Variants in PPM1B observed in about 807,000 individuals in gnomAD.
PPM1B encodes the protein protein phosphatase 1B.
A neutral mutation model predicts 43.0 loss-of-function variants in PPM1B; 22 were observed. The observed-to-expected ratio is 0.51, with a 90% CI of 0.37 to 0.73. The LOEUF is 0.73. PPM1B is among the 30% of genes least tolerant of loss of function. The pLI, the probability that PPM1B is intolerant of heterozygous loss-of-function variation, is 0.00. For missense variants in PPM1B, 632 were observed against 584.2 expected, an observed-to-expected ratio of 1.08 and a Z score of -0.84; for synonymous variants, 217 against 197.9, an observed-to-expected ratio of 1.10 and a Z score of -0.81.
chr2:44,207,145 C>A (rs2104162387), intron 2 of PPM1B, among the ~76,000 whole-genome samples: 1 of 152,282 alleles, frequency 6.6e-6, no homozygotes, highest in Admixed American at 6.5e-5. Flanking sequence ...CTTCTGAAGA[C>A]CCAACCTTCA....
downstream of PPM1B, among the ~76,000 whole-genome samples, chr2:44,239,511 C>T (rs1368074781): frequency 6.6e-6 from 1 of 151,986 alleles, no homozygotes; most frequent in Non-Finnish European, 1.5e-5. Context: ...AGGAAATCAT[C>T]CTCATCCCAA....
intron 2 of PPM1B, among the ~76,000 whole-genome samples, chr2:44,207,580 CTT>C (rs1002683351): frequency 6.3e-5 from 9 of 143,866 alleles, no homozygotes; most frequent in Admixed American, 7.0e-5. Flanking sequence ...ATATGATATG[CTT>C]TTTTTTTTTT....
At chr2:44,189,618 C>G (rs760206784) in intron 1 of PPM1B, among the ~76,000 whole-genome samples, 3 of 152,132 alleles carry the variant, frequency 2.0e-5, no homozygotes, top group Non-Finnish European at 2.9e-5. Context: ...TGCCTGCCAC[C>G]ACGCCTGGCT....
intron 1 of PPM1B, among the ~76,000 whole-genome samples, chr2:44,179,553 T>G (rs974007608): frequency 1.3e-5 from 2 of 152,168 alleles, no homozygotes; most frequent in African/African-American, 4.8e-5. Context: ...TTTTCCATCT[T>G]CCTATTAGTT....
Position 44,218,512 on chromosome 2 carries a change from T to A in PPM1B, c.1109T>A (p.Leu370Gln), listed in dbSNP as rs776838966. The change falls in exon 5 of 6, where the codon CTG becomes CAG. Residue 370 changes from leucine (L) to glutamine (Q), a missense_variant. Leu to Gln is a moderately radical substitution (Grantham distance 113). Transcript: ENST00000282412. ...GTTATTGAAGCTGTTTATAGTAGAC[T>A]GAATCCACATAGAGAAAGTGATGGG... Reference protein sequence around the residue: ...RNVIEAVYSRLNPHRESDGAS... With the variant: ...RNVIEAVYSRQNPHRESDGAS... The A allele has an allele frequency of 5.0e-6, 8 of 1,586,054 alleles. No homozygotes were observed. The Admixed American group carries it at 1.5e-4, about 31-fold the overall frequency.
chr2:44,205,862 A>C (rs796185345), intron 2 of PPM1B, among the ~76,000 whole-genome samples: 1 of 152,190 alleles, frequency 6.6e-6, no homozygotes, highest in East Asian at 1.9e-4. Flanking sequence ...ACATCATTCT[A>C]TATTAATTTA....
intron 1 of PPM1B, among the ~76,000 whole-genome samples, chr2:44,190,195 G>C (rs1259410974): frequency 7.7e-6 from 1 of 129,204 alleles, no homozygotes; most frequent in South Asian, 2.4e-4. Context: ...TTGCCCTGTT[G>C]CCCAGGCTGG....
intron 1 of PPM1B, among the ~76,000 whole-genome samples, chr2:44,182,227 A>G: frequency 6.6e-6 from 1 of 152,058 alleles, no homozygotes. Context: ...GACATATGGG[A>G]AATACTAGTA....
chr2:44,181,576 G>T (rs1667876802), intron 1 of PPM1B, among the ~76,000 whole-genome samples: 1 of 152,156 alleles, frequency 6.6e-6, no homozygotes, highest in Admixed American at 6.6e-5. Context: ...GGGTGAGAGA[G>T]ACACTGAAAA....
chr2:44,235,848 A>G (rs1286337188), downstream of PPM1B, among the ~76,000 whole-genome samples: 5 of 151,776 alleles, frequency 3.3e-5, no homozygotes, highest in African/African-American at 7.3e-5. Context: ...GCAGTGAGCT[A>G]TGATCCAGCC....
chr2:44,216,029 G>A (rs1217127308), intron 3 of PPM1B, among the ~76,000 whole-genome samples: 1 of 152,162 alleles, frequency 6.6e-6, no homozygotes, highest in African/African-American at 2.4e-5. Flanking sequence ...TAAGAGGTTT[G>A]TAGGAGGCAT....
chr2:44,227,406 TATC>T (rs1358274612), intron 5 of PPM1B, among the ~76,000 whole-genome samples: 3 of 152,160 alleles, frequency 2.0e-5, no homozygotes, highest in South Asian at 2.1e-4. Flanking sequence ...CCCTACCCAT[TATC>T]ATTATATTGC....
chr2:44,172,158 A>G (rs1052256112), intron 1 of PPM1B, among the ~76,000 whole-genome samples: 2 of 152,218 alleles, frequency 1.3e-5, no homozygotes, highest in South Asian at 4.1e-4. Context: ...TTTCAGGAGT[A>G]TGATATTCCT....
chr2:44,226,350 A>T (rs934271429), intron 5 of PPM1B, among the ~76,000 whole-genome samples: 1 of 152,222 alleles, frequency 6.6e-6, no homozygotes, highest in African/African-American at 2.4e-5. Context: ...ACAGGTGATT[A>T]ATAATGTAAG....
At position 44,216,542 on chromosome 2, in the gene PPM1B, A is replaced by T. The variant is rs116575168; in HGVS notation, c.965-1425A>T. On this transcript the variant is annotated intron_variant, in intron 3 of 5. Coordinates refer to ENST00000282412, the MANE Select transcript of PPM1B (RefSeq NM_002706.6). ...TTATGGTATACAGTACATGTCATGC[A>T]TATGGGAGTGTATTGCAGTGTACCT... Among the ~76,000 whole-genome samples, 551 of 152,342 alleles carry T rather than the reference A, an allele frequency of 3.6e-3. 3 individuals carry two copies. Among genetic ancestry groups the T allele is most frequent in the African/African-American group, 0.012 (513 of 41,580 alleles).
At chr2:44,214,462 G>T (rs965668808) in intron 3 of PPM1B, among the ~76,000 whole-genome samples, 1 of 151,514 alleles carries the variant, frequency 6.6e-6, no homozygotes, top group Admixed American at 6.6e-5. Flanking sequence ...TTTTTCGGGG[G>T]TGGGGGGGGC....
chr2:44,209,079 A>C, intron 2 of PPM1B, 131 bp from the exon 3 acceptor site: 1 of 798,208 alleles, frequency 1.3e-6, no homozygotes, highest in Non-Finnish European at 1.8e-6. Context: ...ATTCATTGGA[A>C]TAAAAATGAA....
At chr2:44,209,460 T>A in intron 3 of PPM1B, 133 bp downstream of exon 3, 3 of 944,846 alleles carry the variant, frequency 3.2e-6, no homozygotes, top group Non-Finnish European at 4.6e-6. Flanking sequence ...AGAGGGAAAG[T>A]ATTCTTTTTG....
intron 3 of PPM1B, among the ~76,000 whole-genome samples, chr2:44,215,139 C>G (rs1209711161): frequency 3.9e-5 from 6 of 152,076 alleles, no homozygotes; most frequent in Non-Finnish European, 2.9e-5. Context: ...AATCAGGAGA[C>G]AAAATTGTTA....
Sources: gnomAD v4.1 joint callset for allele counts (sites outside exome capture counted in the v4.1 genomes callset) on GRCh38, gnomAD v4.1.1 for gene constraint, MANE v1.5 for transcripts, NCBI Gene and HGNC (gene_info 2026-07-23, HGNC 2026-07-21) for gene names.